PDE8B: variants seen among roughly 807,000 people sequenced by gnomAD.
PDE8B encodes the protein phosphodiesterase 8B, also known as high affinity cAMP-specific and IBMX-insensitive 3',5'-cyclic phosphodiesterase 8B.
In PDE8B, 26 loss-of-function variants were observed where a neutral mutation model predicts 101.3. The ratio of observed to expected loss-of-function variants is 0.26; its 90% CI spans 0.19 to 0.36. The LOEUF (loss-of-function observed/expected upper bound fraction) is 0.36, where lower values mean the gene tolerates loss of function less well. Ranked by LOEUF, PDE8B falls within the 10% of genes least tolerant of loss-of-function variation. The pLI is 1.00. For missense variants in PDE8B, 810 were observed against 1,163.1 expected, an observed-to-expected ratio of 0.70 and a Z score of 4.42; for synonymous variants, 424 against 429.3, an observed-to-expected ratio of 0.99 and a Z score of 0.15.
chr5:77,414,089 A>G (rs890567629), intron 17 of PDE8B, among the ~76,000 whole-genome samples: 21 of 152,208 alleles, frequency 1.4e-4, no homozygotes, highest in African/African-American at 5.1e-4. Flanking sequence ...TAAATGCCTG[A>G]CATTAGATCA....
At chr5:77,091,442 C>A in the PDE8B span, among the ~76,000 whole-genome samples, 1 of 152,122 alleles carries the variant, frequency 6.6e-6, no homozygotes, top group Non-Finnish European at 1.5e-5. Flanking sequence ...GAGTTCAAGA[C>A]CAGCCTGACC....
the PDE8B span, chr5:77,100,147 T>C: frequency 6.6e-6 from 1 of 152,230 alleles, no homozygotes; most frequent in South Asian, 2.1e-4. Flanking sequence ...CACCATAAAC[T>C]ACTACTACTA....
chr5:77,112,481 T>G, the PDE8B span: 17 of 152,160 alleles, frequency 1.1e-4, no homozygotes, highest in Non-Finnish European at 7.4e-5. Context: ...GTTATTTTGT[T>G]CTATTTCTCC....
rs376994937 is a variant in PDE8B, at chr5:77,233,048, G to T, written c.339+21784G>T. On this transcript the variant is annotated intron_variant, in intron 1 of 21. Transcript: ENST00000264917. ...GTTTGTTTTCCTTCTTGTCATTGGAGTAGGGAAACCATGATTTCACTCTGT... is the reference window on the plus strand; with the variant it reads ...GTTTGTTTTCCTTCTTGTCATTGGATTAGGGAAACCATGATTTCACTCTGT... 2.0e-5 allele frequency among the ~76,000 whole-genome samples: 3 copies of T among 152,134 alleles called. No homozygotes were observed. The East Asian group carries it at 5.8e-4, about 29-fold the overall frequency.
Position 77,309,196 on chromosome 5 carries a change from AAAAG to A in PDE8B, c.340-2789_340-2786del, listed in dbSNP as rs1011130385. Among the ~76,000 whole-genome samples the A allele has an allele frequency of 1.3e-4, 18 of 142,496 alleles. No individual in the cohort carries two copies. The East Asian group carries it at 1.6e-3, about 13-fold the overall frequency. 93.5% of individuals were successfully genotyped at this position (142,496 alleles called of 152,430 possible). A position where few individuals can be genotyped will look rare whatever the true frequency, so the allele number is the denominator to read the frequency against. On this transcript the variant is annotated intron_variant, in intron 1 of 21. Coordinates refer to ENST00000264917, the MANE Select transcript of PDE8B (RefSeq NM_003719.5). The stretch of plus-strand genomic sequence containing the variant: ...TCTGTCAGAAAGAAAGAAAGAAAGA[AAAAG>A]AAAGAAAGGAAGGAAGGGAGGGAGG...
intron 12 of PDE8B, 125 bp from the exon 13 acceptor site, chr5:77,407,256 A>T: frequency 1.3e-6 from 1 of 773,932 alleles, no homozygotes. Flanking sequence ...GGGTGAATTC[A>T]TGGCTTTTTA....
chr5:77,239,563 A>G (rs1381812234), intron 1 of PDE8B, among the ~76,000 whole-genome samples: 1 of 152,236 alleles, frequency 6.6e-6, no homozygotes, highest in Non-Finnish European at 1.5e-5. Flanking sequence ...TCTTTGTACA[A>G]TAAACAACAC....
chr5:77,248,440 G>GTTTT (rs56054494), intron 1 of PDE8B, among the ~76,000 whole-genome samples: 24 of 151,500 alleles, frequency 1.6e-4, no homozygotes, highest in African/African-American at 3.4e-4. Context: ...AATTAAATTA[G>GTTTT]TTTTTGTTGT....
chr5:77,422,548 AAAATTAACAAAGG>A (rs1796892663), intron 20 of PDE8B, among the ~76,000 whole-genome samples: 1 of 152,262 alleles, frequency 6.6e-6, no homozygotes, highest in Non-Finnish European at 1.5e-5. Flanking sequence ...CATTCTGAGC[AAAATTAACAAAGG>A]GAGGGGAAAT....
chr5:77,235,431 A>G (rs150929107), intron 1 of PDE8B, among the ~76,000 whole-genome samples: 286 of 152,330 alleles, frequency 1.9e-3, no homozygotes, highest in South Asian at 7.7e-3. Flanking sequence ...TCTCTGGGAC[A>G]TGCTCATGTT....
the PDE8B span, among the ~76,000 whole-genome samples, chr5:77,135,625 C>T: frequency 2.6e-5 from 4 of 151,854 alleles, no homozygotes; most frequent in African/African-American, 7.3e-5. Context: ...TACAGGCACG[C>T]GCCACCATGC....
the PDE8B span, among the ~76,000 whole-genome samples, chr5:77,128,785 A>C: frequency 6.6e-6 from 1 of 152,350 alleles, no homozygotes; most frequent in South Asian, 2.1e-4. Flanking sequence ...GTCAATTCAC[A>C]GATGCATCGG....
chr5:77,416,612 C>G (rs1190451506), intron 17 of PDE8B, among the ~76,000 whole-genome samples: 1 of 152,186 alleles, frequency 6.6e-6, no homozygotes, highest in African/African-American at 2.4e-5. Flanking sequence ...TGATTGGGGT[C>G]ACCCCAGGGT....
Position 77,211,328 on chromosome 5 carries a change from G to A in PDE8B, c.339+64G>A. 1 of 1,460,474 alleles carries A rather than the reference G, an allele frequency of 6.8e-7. No homozygotes were observed. The highest frequency in any genetic ancestry group is 9.1e-7 in the Non-Finnish European group (1 of 1,095,904). 90.5% of individuals were successfully genotyped at this position (1,460,474 alleles called of 1,614,324 possible). A position where few individuals can be genotyped will look rare whatever the true frequency, so the allele number is the denominator to read the frequency against. ...CGCCCCGTCGGCGGGGCTCGCACGG[G>A]TAGGGGGCTCCGGCGGAGTTGGGTG... On this transcript the variant is annotated intron_variant, in intron 1 of 21. Coordinates refer to ENST00000264917, the MANE Select transcript of PDE8B (RefSeq NM_003719.5). The surrounding 1 kb of genome is among the most constrained non-coding windows in gnomAD (Gnocchi z 4.1).
intron 8 of PDE8B, among the ~76,000 whole-genome samples, chr5:77,350,562 G>A (rs1270061446): frequency 5.3e-5 from 8 of 151,990 alleles, no homozygotes; most frequent in Non-Finnish European, 7.4e-5. Flanking sequence ...AGTAACCCCC[G>A]AGAAGCCTTG....
At chr5:77,207,920 G>A (rs1747635188), upstream of PDE8B, among the ~76,000 whole-genome samples, 2 of 152,192 alleles carry the variant, frequency 1.3e-5, no homozygotes, top group Non-Finnish European at 2.9e-5. Flanking sequence ...GGAATGGGAA[G>A]AAAACTGTAT....
At chr5:77,282,896 T>C (rs918630124) in intron 1 of PDE8B, among the ~76,000 whole-genome samples, 34 of 151,788 alleles carry the variant, frequency 2.2e-4, no homozygotes, top group Non-Finnish European at 4.4e-5. Flanking sequence ...AAGGATGTTA[T>C]GAGAATTGGA....
intron 10 of PDE8B, among the ~76,000 whole-genome samples, chr5:77,387,963 A>G (rs1789086060): frequency 6.6e-6 from 1 of 152,060 alleles, no homozygotes; most frequent in Admixed American, 6.6e-5. Context: ...GTTATTCTAG[A>G]TAGCAATTCA....
the PDE8B span, chr5:77,114,457 A>C: frequency 1.3e-5 from 2 of 152,314 alleles, no homozygotes; most frequent in East Asian, 1.9e-4. Flanking sequence ...TGGGAGTTGA[A>C]CAATGAGAAC....
Sources: gnomAD v4.1 joint callset for allele counts (sites outside exome capture counted in the v4.1 genomes callset) on GRCh38, gnomAD v4.1.1 for gene constraint, Gnocchi (gnomAD v3.1) non-coding constraint, MANE v1.5 for transcripts, NCBI Gene and HGNC (gene_info 2026-07-23, HGNC 2026-07-21) for gene names.